Variants in CELF4 observed in about 807,000 individuals in gnomAD.
CELF4 encodes the protein CUGBP Elav-like family member 4, also known as CUG-BP- and ETR-3-like factor 4.
A neutral mutation model predicts 59.9 loss-of-function variants in CELF4; 18 were observed. The ratio of observed to expected loss-of-function variants is 0.30; its 90% confidence interval spans 0.21 to 0.45. The LOEUF is 0.45. Among genes scored for constraint, CELF4 ranks in the 20% least tolerant of loss-of-function variants. The pLI is 1.00. For missense variants in CELF4, 456 were observed against 689.0 expected (o/e 0.66, Z 3.79); for synonymous variants, 261 against 267.1 (o/e 0.98, Z 0.22).
intron 1 of CELF4, among the ~76,000 whole-genome samples, chr18:37,553,560 C>T (rs1011084937): frequency 1.3e-5 from 2 of 152,176 alleles, no homozygotes; most frequent in Admixed American, 1.3e-4. Context: ...CACACTAAAT[C>T]GTAGACTGTA....
intron 10 of CELF4, among the ~76,000 whole-genome samples, chr18:37,262,693 T>C (rs1344315442): frequency 2.0e-5 from 3 of 152,102 alleles, no homozygotes; most frequent in Non-Finnish European, 2.9e-5. Flanking sequence ...TCAGGGCCTG[T>C]AGGCACAGCT....
intron 3 of CELF4, among the ~76,000 whole-genome samples, chr18:37,288,891 C>T (rs1368081495): frequency 6.6e-6 from 1 of 152,012 alleles, no homozygotes; most frequent in African/African-American, 2.4e-5. Flanking sequence ...AGAAATATTG[C>T]CTCTTAAGGG....
At chr18:37,423,875 G>A (rs902570646) in intron 2 of CELF4, among the ~76,000 whole-genome samples, 3 of 151,636 alleles carry the variant, frequency 2.0e-5, no homozygotes, top group Admixed American at 6.6e-5. Context: ...CCACCTTCTC[G>A]CTCCATAAGG....
chr18:37,491,035 C>T lies in CELF4; in HGVS notation c.287-5428G>A, dbSNP rs906948851. Reference sequence around the variant, plus strand: ...GAAATCATCCAAGGTGGGGTGGGGGCAGAGAGGTGACAGAACTGCAGGGTG... The same window carrying T: ...GAAATCATCCAAGGTGGGGTGGGGGTAGAGAGGTGACAGAACTGCAGGGTG... On this transcript the variant is annotated intron_variant, in intron 1 of 12. Transcript: ENST00000420428. 1.4e-4 allele frequency among the ~76,000 whole-genome samples: 22 copies of T among 152,108 alleles called. No homozygotes were observed. In the East Asian group the frequency reaches 4.3e-3, roughly 30 times the overall value.
At chr18:37,312,630 C>T (rs1015977348) in intron 3 of CELF4, among the ~76,000 whole-genome samples, 1 of 152,114 alleles carries the variant, frequency 6.6e-6, no homozygotes, top group Non-Finnish European at 1.5e-5. Context: ...GAGCCCAAGG[C>T]ATGGAGAGGA....
intron 10 of CELF4, among the ~76,000 whole-genome samples, chr18:37,263,187 G>C (rs1183109896): frequency 1.3e-5 from 2 of 152,138 alleles, no homozygotes; most frequent in African/African-American, 4.8e-5. Context: ...TGAGGCTGAG[G>C]GGATAGAGTG....
rs34181233 is a variant in CELF4, at chr18:37,557,997, C to CTTTTTTTTT, written c.286+7350_286+7358dup. Among the ~76,000 whole-genome samples, 107 of 100,730 alleles carry CTTTTTTTTT rather than the reference C, an allele frequency of 1.1e-3. 1 individual carries two copies. The highest frequency in any genetic ancestry group is 1.5e-3 in the Non-Finnish European group (79 of 53,478). 66.1% of individuals were successfully genotyped at this position (100,730 alleles called of 152,430 possible). A position where few individuals can be genotyped will look rare whatever the true frequency, so the allele number is the denominator to read the frequency against. The stretch of plus-strand genomic sequence containing the variant: ...GATGGTCCTGAAAACATCCCTTTTA[C>CTTTTTTTTT]TTTTTTTTTTTTTTTTTTTTTTGAG... On this transcript the variant is annotated intron_variant, in intron 1 of 12. Coordinates refer to ENST00000420428, the MANE Select transcript of CELF4 (RefSeq NM_020180.4).
chr18:37,402,397 G>C (rs2099339870), intron 2 of CELF4, among the ~76,000 whole-genome samples: 4 of 152,148 alleles, frequency 2.6e-5, no homozygotes, highest in Admixed American at 1.3e-4. Flanking sequence ...CACCTCCATG[G>C]ACCTATCTGT....
chr18:37,498,320 C>T (rs1216895479), intron 1 of CELF4, among the ~76,000 whole-genome samples: 1 of 140,416 alleles, frequency 7.1e-6, no homozygotes, highest in East Asian at 2.1e-4. Context: ...TTTCCCCTCC[C>T]CTCTCCTTCC....
intron 3 of CELF4, among the ~76,000 whole-genome samples, chr18:37,306,801 G>A (rs1337146113): frequency 1.3e-5 from 2 of 152,170 alleles, no homozygotes; most frequent in Admixed American, 1.3e-4. Context: ...CCACCAAAAC[G>A]TAAGGAGAGG....
chr18:37,377,937 A>G (rs1461986315), intron 2 of CELF4, among the ~76,000 whole-genome samples: 2 of 152,158 alleles, frequency 1.3e-5, no homozygotes, highest in Non-Finnish European at 2.9e-5. Flanking sequence ...AGAGGAGGCA[A>G]CAGGAGAGAA....
chr18:37,323,362 C>T (rs981423850), intron 2 of CELF4, among the ~76,000 whole-genome samples: 3 of 152,076 alleles, frequency 2.0e-5, no homozygotes, highest in African/African-American at 7.3e-5. Flanking sequence ...ATACTTTGTT[C>T]CCAAGCCCTG....
At chr18:37,257,571 G>A (rs759807146) in intron 11 of CELF4, among the ~76,000 whole-genome samples, 56 of 152,242 alleles carry the variant, frequency 3.7e-4, no homozygotes, top group Non-Finnish European at 7.4e-4. Flanking sequence ...AACATGCTCC[G>A]AATCCTCAAG....
chr18:37,438,444 G>A (rs2099700682), intron 2 of CELF4, among the ~76,000 whole-genome samples: 1 of 152,194 alleles, frequency 6.6e-6, no homozygotes, highest in Non-Finnish European at 1.5e-5. Context: ...TACAGTTTAA[G>A]CAGCTGTCCT....
chr18:37,338,555 G>A (rs1438313045), intron 2 of CELF4, among the ~76,000 whole-genome samples: 1 of 152,188 alleles, frequency 6.6e-6, no homozygotes, highest in Non-Finnish European at 1.5e-5. Context: ...GTTCTGGGTG[G>A]AGTGGAGCCT....
chr18:37,306,060 G>T (rs2096379150), intron 3 of CELF4: 1 of 152,226 alleles, frequency 6.6e-6, no homozygotes, highest in Non-Finnish European at 1.5e-5. Context: ...GCCCTGATGG[G>T]GAAGAGGCAT....
intron 2 of CELF4, among the ~76,000 whole-genome samples, chr18:37,361,111 G>A (rs994615783): frequency 6.6e-6 from 1 of 152,148 alleles, no homozygotes; most frequent in Non-Finnish European, 1.5e-5. Context: ...TGCTTGTGAA[G>A]GCCATTCATA....
intron 2 of CELF4, among the ~76,000 whole-genome samples, chr18:37,420,657 T>C (rs2099572508): frequency 6.6e-6 from 1 of 152,056 alleles, no homozygotes. Context: ...AGAGAACAGG[T>C]GACTCGTTCT....
intron 10 of CELF4, among the ~76,000 whole-genome samples, chr18:37,262,107 C>T (rs1425793501): frequency 6.6e-6 from 1 of 152,220 alleles, no homozygotes; most frequent in Non-Finnish European, 1.5e-5. Context: ...GCCTGGACCT[C>T]CTGCCTCCCC....
Sources: allele counts gnomAD v4.1 joint callset (sites outside exome capture counted in the v4.1 genomes callset), GRCh38; gene constraint gnomAD v4.1.1; transcripts MANE v1.5; gene names NCBI Gene and HGNC (gene_info 2026-07-23, HGNC 2026-07-21).